ADGRL2: variants seen among roughly 807,000 people sequenced by gnomAD.
ADGRL2 encodes the protein calcium-independent alpha-latrotoxin receptor 2.
In ADGRL2, 44 loss-of-function variants were observed where a neutral mutation model predicts 157.4. The observed-to-expected ratio is 0.28, with a 90% CI of 0.22 to 0.36. The LOEUF is 0.36. Ranked by LOEUF, ADGRL2 falls within the 10% of genes least tolerant of loss-of-function variation. The pLI is 1.00. For missense variants in ADGRL2, 1,510 were observed against 1,768.9 expected, an observed-to-expected ratio of 0.85 and a Z score of 2.63; for synonymous variants, 585 against 624.7, an observed-to-expected ratio of 0.94 and a Z score of 0.95.
chr1:81,903,878 G>A (rs1218827525), intron 2 of ADGRL2, among the ~76,000 whole-genome samples: 2 of 149,566 alleles, frequency 1.3e-5, no homozygotes, highest in Non-Finnish European at 3.0e-5. Context: ...CTTTAGATAA[G>A]AGAAATGTAT....
chr1:81,900,334 G>A (rs2094463414), intron 2 of ADGRL2, among the ~76,000 whole-genome samples: 1 of 152,156 alleles, frequency 6.6e-6, no homozygotes, highest in Non-Finnish European at 1.5e-5. Flanking sequence ...GATGTTTAAA[G>A]CCTTCTAGCA....
intron 2 of ADGRL2, among the ~76,000 whole-genome samples, chr1:81,492,198 T>G (rs1338213011): frequency 6.6e-6 from 1 of 152,226 alleles, no homozygotes; most frequent in East Asian, 1.9e-4. Context: ...CATTTTTATT[T>G]TCTTTGACCT....
chr1:81,489,738 G>A lies in ADGRL2; in HGVS notation c.-248+44649G>A, dbSNP rs76839213. Among the ~76,000 whole-genome samples, 1,135 of 152,186 alleles carry A rather than the reference G, an allele frequency of 7.5e-3. 15 individuals carry two copies. The highest frequency in any genetic ancestry group is 0.026 in the African/African-American group (1,072 of 41,518). On this transcript the variant is annotated intron_variant, in intron 2 of 24. Coordinates refer to the ADGRL2 transcript ENST00000370721. ...ACAGAAGTGGCTCATCGCATACAAG[G>A]GATCCATAATAAGTTTATCAGATGA...
In ADGRL2 at chr1:81,415,660, A is replaced by G. The variant is rs370532512; in HGVS notation, c.-301-29376A>G. On this transcript the variant is annotated intron_variant, in intron 1 of 24. Coordinates refer to the ADGRL2 transcript ENST00000370721. ...CTTACAAATACTCCCTGCGAGTATG[A>G]CCCAAATCAGAGCATCTGACTTCAG... 2.0e-5 allele frequency among the ~76,000 whole-genome samples: 3 copies of G among 152,302 alleles called. 1 individual carries two copies.
At chr1:81,407,772 A>T (rs1167227093) in intron 1 of ADGRL2, among the ~76,000 whole-genome samples, 1 of 152,242 alleles carries the variant, frequency 6.6e-6, no homozygotes, top group Non-Finnish European at 1.5e-5. Flanking sequence ...TGGTATGCAC[A>T]TAAGAAAATG....
At chr1:81,818,130 A>C (rs559864095) in intron 1 of ADGRL2, among the ~76,000 whole-genome samples, 12 of 152,108 alleles carry the variant, frequency 7.9e-5, no homozygotes, top group African/African-American at 2.9e-4. Flanking sequence ...CAATCTTGCT[A>C]CTACACTCCA....
chr1:81,504,899 C>G (rs560883112), intron 2 of ADGRL2, among the ~76,000 whole-genome samples: 27 of 152,266 alleles, frequency 1.8e-4, no homozygotes, highest in Admixed American at 1.7e-3. Flanking sequence ...TCCTCCTGGA[C>G]CCTGCGCGGG....
At chr1:81,466,790 A>G (rs2078064901) in intron 2 of ADGRL2, among the ~76,000 whole-genome samples, 1 of 152,196 alleles carries the variant, frequency 6.6e-6, no homozygotes, top group African/African-American at 2.4e-5. Context: ...AGTCATAAAA[A>G]TGCATAATTT....
intron 2 of ADGRL2, among the ~76,000 whole-genome samples, chr1:81,478,751 T>G (rs2078324399): frequency 6.6e-6 from 1 of 152,186 alleles, no homozygotes; most frequent in Non-Finnish European, 1.5e-5. Context: ...GGTTCAGAGT[T>G]TGTGCTGATT....
intron 2 of ADGRL2, among the ~76,000 whole-genome samples, chr1:81,577,593 C>T (rs2080822388): frequency 6.6e-6 from 1 of 152,152 alleles, no homozygotes; most frequent in South Asian, 2.1e-4. Context: ...CTCTGCAAAC[C>T]AGCAGTCAGA....
At chr1:81,699,825 C>T (rs1380551122) in intron 1 of ADGRL2, 1 of 152,212 alleles carries the variant, frequency 6.6e-6, no homozygotes, top group Non-Finnish European at 1.5e-5. Flanking sequence ...GCAATTATAT[C>T]TCTTTGTTTG....
At chr1:81,381,586 A>T (rs906906174) in intron 1 of ADGRL2, among the ~76,000 whole-genome samples, 1 of 152,186 alleles carries the variant, frequency 6.6e-6, no homozygotes, top group Non-Finnish European at 1.5e-5. Flanking sequence ...GGAAAAAAAA[A>T]TAGCAAAATA....
chr1:81,813,890 A>G (rs934266822), intron 1 of ADGRL2, among the ~76,000 whole-genome samples: 4 of 151,600 alleles, frequency 2.6e-5, no homozygotes, highest in African/African-American at 9.7e-5. Context: ...TGTGAGGCAC[A>G]GTAACTGTCA....
chr1:81,502,543 G>T, intron 2 of ADGRL2: 1 of 1,614,046 alleles, frequency 6.2e-7, no homozygotes, highest in South Asian at 1.1e-5. Context: ...TGCTGTATAA[G>T]CTGGTGACCG....
chr1:81,365,982 T>C (rs752576290), intron 1 of ADGRL2, among the ~76,000 whole-genome samples: 3 of 152,206 alleles, frequency 2.0e-5, no homozygotes, highest in Non-Finnish European at 4.4e-5. Context: ...CATAGGTTTT[T>C]AATAATAGTT....
At position 81,675,290 on chromosome 1, in the gene ADGRL2, C is replaced by T. The variant is rs931106332; in HGVS notation, c.-142-86521C>T. 8.0e-4 allele frequency among the ~76,000 whole-genome samples: 122 copies of T among 152,284 alleles called. 1 individual carries two copies. Among genetic ancestry groups the T allele is most frequent in the African/African-American group, 2.8e-3 (118 of 41,566 alleles). On this transcript the variant is annotated intron_variant, in intron 3 of 24. Transcript: ENST00000370721. ...GAAATATTTTAATTTGACAATATAGCTTCCTAAGTATTTTGAATCAGTAAT... is the reference window on the plus strand; with the variant it reads ...GAAATATTTTAATTTGACAATATAGTTTCCTAAGTATTTTGAATCAGTAAT...
At chr1:81,729,532 T>A (rs2084650923) in intron 1 of ADGRL2, among the ~76,000 whole-genome samples, 1 of 152,222 alleles carries the variant, frequency 6.6e-6, no homozygotes, top group African/African-American at 2.4e-5. Flanking sequence ...CTAAGCAAAA[T>A]GATTCATTGA....
intron 3 of ADGRL2, among the ~76,000 whole-genome samples, chr1:81,648,671 G>A (rs2082357260): frequency 6.6e-6 from 1 of 152,162 alleles, no homozygotes; most frequent in African/African-American, 2.4e-5. Context: ...TTGAAGGATG[G>A]GTTAGCTTTG....
In ADGRL2 at chr1:81,987,030, G is replaced by T; in HGVS notation, c.3637+1G>T. 4 of 1,609,522 alleles carry T rather than the reference G, an allele frequency of 2.5e-6. No individual in the cohort carries two copies. Among genetic ancestry groups the T allele is most frequent in the Non-Finnish European group, 3.4e-6 (4 of 1,178,612 alleles). On this transcript the variant is annotated splice_donor_variant, in intron 22 of 23. Transcript: ENST00000686636. LOFTEE classifies it high-confidence loss of function. ...TCAGCTCCTGTATTTAACTCACCAGGTGTGCTTTACTTACAAATAAAACTA... is the reference window on the plus strand; with the variant it reads ...TCAGCTCCTGTATTTAACTCACCAGTTGTGCTTTACTTACAAATAAAACTA...
Sources: allele counts gnomAD v4.1 joint callset (sites outside exome capture counted in the v4.1 genomes callset), GRCh38; gene constraint gnomAD v4.1.1; transcripts MANE v1.5; gene names NCBI Gene and HGNC (gene_info 2026-07-23, HGNC 2026-07-21).